The following CA8 variants were observed in gnomAD, a reference collection of about 807,000 sequenced individuals.
CA8 encodes the protein carbonic anhydrase-related protein.
CA8 carries 22 observed loss-of-function variants against 41.4 expected under a neutral mutation model. The observed-to-expected ratio is 0.53, with a 90% CI of 0.38 to 0.76. CA8 has a LOEUF of 0.76. CA8 is among the 30% of genes least tolerant of loss of function. The pLI, the probability that CA8 is intolerant of heterozygous loss-of-function variation, is 0.00. For synonymous variants in CA8, 121 were observed against 130.6 expected, an observed-to-expected ratio of 0.93 and a Z score of 0.50; for missense variants, 270 against 352.8, an observed-to-expected ratio of 0.77 and a Z score of 1.88.
At chr8:60,235,162 T>C (rs1585885895) in intron 3 of CA8, among the ~76,000 whole-genome samples, 1 of 152,200 alleles carries the variant, frequency 6.6e-6, no homozygotes, top group Non-Finnish European at 1.5e-5. Context: ...AGACATTTAC[T>C]TTCTCACATT....
At chr8:60,249,815 C>T (rs1808383789) in intron 3 of CA8, among the ~76,000 whole-genome samples, 1 of 152,148 alleles carries the variant, frequency 6.6e-6, no homozygotes, top group Non-Finnish European at 1.5e-5. Context: ...CTCTTATTTT[C>T]ACATCAATAT....
chr8:60,239,705 T>C (rs768341804), intron 3 of CA8, among the ~76,000 whole-genome samples: 1 of 152,136 alleles, frequency 6.6e-6, no homozygotes, highest in Non-Finnish European at 1.5e-5. Flanking sequence ...GAATTGTAGC[T>C]CCCATAATTC....
chr8:60,279,723 T>G lies in CA8; in HGVS notation c.258A>C (p.Gly86=), dbSNP rs1438806730. The G allele has an allele frequency of 1.9e-6, 3 of 1,614,202 alleles. No homozygotes were observed. The highest frequency in any genetic ancestry group is 3.3e-5 in the Admixed American group (2 of 60,020). ...VCRDCEVTND[G]HTIQVILKSK... is the part of the protein sequence containing the mutation. ...ACTTCAGGATAACCTGAATGGTATG[T>G]CCATCATTGGTGACTTCACAGTCTC... The change falls in exon 2 of 9, where the codon GGA becomes GGC. Residue 86 remains glycine, a synonymous_variant. Transcript: ENST00000317995.
At chr8:60,228,361 A>C (rs778925886) in intron 4 of CA8, among the ~76,000 whole-genome samples, 82 of 152,128 alleles carry the variant, frequency 5.4e-4, no homozygotes, top group Non-Finnish European at 8.7e-4. Context: ...ATTCTTCAGG[A>C]GAAATGGACT....
chr8:60,269,379 G>A (rs1170711010), intron 2 of CA8, among the ~76,000 whole-genome samples: 1 of 152,126 alleles, frequency 6.6e-6, no homozygotes, highest in Non-Finnish European at 1.5e-5. Context: ...AAGTTACAAT[G>A]AAAGAACATG....
At chr8:60,193,258 G>A (rs1806187597) in intron 8 of CA8, among the ~76,000 whole-genome samples, 1 of 152,106 alleles carries the variant, frequency 6.6e-6, no homozygotes, top group African/African-American at 2.4e-5. Context: ...AAGAAGTGAA[G>A]ATATATCATG....
At chr8:60,208,528 T>C (rs554340706) in intron 8 of CA8, 8 of 529,030 alleles carry the variant, frequency 1.5e-5, no homozygotes, top group African/African-American at 7.6e-5. Context: ...TAAAGGCTAC[T>C]CTGATAGGAA....
chr8:60,251,958 T>C (rs1808466777), intron 3 of CA8, among the ~76,000 whole-genome samples: 1 of 152,212 alleles, frequency 6.6e-6, no homozygotes, highest in African/African-American at 2.4e-5. Context: ...AATTATGTAG[T>C]GCTTACACAA....
Position 60,252,239 on chromosome 8 carries a change from C to T in CA8, c.417+13686G>A, listed in dbSNP as rs911196057. On this transcript the variant is annotated intron_variant, in intron 3 of 8. Transcript: ENST00000317995. ...GAGAGATTTCAGGACCATCAATTGACAACAGCAAGCTGTGGTGATTCCAAG... is the reference window on the plus strand; with the variant it reads ...GAGAGATTTCAGGACCATCAATTGATAACAGCAAGCTGTGGTGATTCCAAG... 6.6e-5 allele frequency among the ~76,000 whole-genome samples: 10 copies of T among 152,284 alleles called. No homozygotes were observed. In the South Asian group the frequency reaches 1.2e-3, roughly 19 times the overall value.
intron 7 of CA8, among the ~76,000 whole-genome samples, chr8:60,210,015 T>C (rs1278830922): frequency 6.6e-6 from 1 of 152,216 alleles, no homozygotes; most frequent in East Asian, 1.9e-4. Flanking sequence ...ACAGGGTTCA[T>C]TGTCTGTTAA....
chr8:60,242,318 C>T (rs890316483), intron 3 of CA8, among the ~76,000 whole-genome samples: 25 of 152,026 alleles, frequency 1.6e-4, no homozygotes. Flanking sequence ...ATTCTATGAC[C>T]GCCATCAAAC....
At chr8:60,272,487 C>G (rs1357280579) in intron 2 of CA8, among the ~76,000 whole-genome samples, 1 of 152,180 alleles carries the variant, frequency 6.6e-6, no homozygotes, top group Admixed American at 6.5e-5. Context: ...CTGTTAACCC[C>G]CTTTATCATG....
intron 8 of CA8, among the ~76,000 whole-genome samples, chr8:60,204,636 T>C (rs2130407983): frequency 6.6e-6 from 1 of 152,342 alleles, no homozygotes; most frequent in African/African-American, 2.4e-5. Flanking sequence ...TTTGGCATTT[T>C]ACTGAAATCA....
intron 1 of CA8, among the ~76,000 whole-genome samples, chr8:60,280,245 G>A (rs2130641488): frequency 6.6e-6 from 1 of 152,308 alleles, no homozygotes; most frequent in East Asian, 1.9e-4. Flanking sequence ...GGAAACAGCT[G>A]TAACTTTCAA....
intron 4 of CA8, among the ~76,000 whole-genome samples, chr8:60,229,367 G>A (rs531542248): frequency 4.0e-4 from 61 of 152,234 alleles, no homozygotes; most frequent in Non-Finnish European, 7.6e-4. Flanking sequence ...TGGGGTCCAT[G>A]GTCAGTGCAC....
intron 2 of CA8, among the ~76,000 whole-genome samples, chr8:60,269,480 T>C (rs1209558877): frequency 1.3e-5 from 2 of 152,228 alleles, no homozygotes; most frequent in African/African-American, 4.8e-5. Context: ...ACAGCCTCCA[T>C]TTTCTTTAAT....
At chr8:60,240,367 G>C (rs1807979953) in intron 3 of CA8, among the ~76,000 whole-genome samples, 2 of 152,222 alleles carry the variant, frequency 1.3e-5, no homozygotes. Context: ...AGGCCAATCA[G>C]CCTATAAGGT....
intron 3 of CA8, among the ~76,000 whole-genome samples, chr8:60,254,686 C>G (rs964667887): frequency 1.1e-4 from 16 of 152,174 alleles, no homozygotes; most frequent in African/African-American, 3.6e-4. Context: ...AAAAGTGAAT[C>G]ATCCATAAAC....
At chr8:60,221,565 C>T (rs1379964559) in intron 7 of CA8, among the ~76,000 whole-genome samples, 1 of 152,194 alleles carries the variant, frequency 6.6e-6, no homozygotes, top group East Asian at 1.9e-4. Context: ...AACCCATACC[C>T]CTAATCTAAT....
Sources: allele counts gnomAD v4.1 joint callset (sites outside exome capture counted in the v4.1 genomes callset), GRCh38; gene constraint gnomAD v4.1.1; transcripts MANE v1.5; gene names NCBI Gene and HGNC (gene_info 2026-07-23, HGNC 2026-07-21).